ZNF160: variants seen among roughly 807,000 people sequenced by gnomAD.
ZNF160 encodes zinc finger protein 160, also known as KRAB zinc finger protein KR18.
Under a neutral mutation model 13.1 loss-of-function variants are expected in ZNF160, and 9 were observed. The ratio of observed to expected loss-of-function variants is 0.69; its 90% CI spans 0.41 to 1.20. The LOEUF (loss-of-function observed/expected upper bound fraction) is 1.20, where lower values mean the gene tolerates loss of function less well. Ranked by LOEUF, ZNF160 falls within the 50% of genes most tolerant of loss-of-function variation. The pLI, the probability that ZNF160 is intolerant of heterozygous loss-of-function variation, is 0.01. For synonymous variants in ZNF160, 293 were observed against 333.2 expected (o/e 0.88, Z 1.31); for missense variants, 838 against 988.0 (o/e 0.85, Z 2.04).
chr19:53,090,494 C>G (rs2084994467), intron 2 of ZNF160, among the ~76,000 whole-genome samples: 1 of 152,192 alleles, frequency 6.6e-6, no homozygotes, highest in African/African-American at 2.4e-5. Flanking sequence ...CTCCTGATCC[C>G]CTGTGGCCAC....
chr19:53,086,910 C>A (rs1180571228), intron 2 of ZNF160, among the ~76,000 whole-genome samples: 1 of 152,212 alleles, frequency 6.6e-6, no homozygotes, highest in Non-Finnish European at 1.5e-5. Context: ...CTCTGCTCTC[C>A]TGTTGGGGAC....
At chr19:53,099,135 T>C (rs1396012119) in intron 1 of ZNF160, among the ~76,000 whole-genome samples, 1 of 144,354 alleles carries the variant, frequency 6.9e-6, no homozygotes, top group Non-Finnish European at 1.5e-5. Flanking sequence ...CAGAAGAGTG[T>C]CCGATGTGGT....
At chr19:53,081,804 A>G (rs928645752) in intron 3 of ZNF160, among the ~76,000 whole-genome samples, 1 of 152,212 alleles carries the variant, frequency 6.6e-6, no homozygotes, top group Non-Finnish European at 1.5e-5. Flanking sequence ...TTCTATCAAA[A>G]AGACACCTAT....
intron 1 of ZNF160, among the ~76,000 whole-genome samples, chr19:53,100,270 C>T (rs1471855525): frequency 6.6e-6 from 1 of 152,142 alleles, no homozygotes; most frequent in Non-Finnish European, 1.5e-5. Context: ...TAGTAGTTCA[C>T]AGGTCACTAT....
Position 53,068,394 on chromosome 19 carries a change from A to G in ZNF160, c.2140T>C (p.Phe714Leu). The stretch of plus-strand genomic sequence containing the variant: ...GTGGTTAGGCTTGAACGAACACTGA[A>G]GGCTTTCCCACACTCATTGCATCGG... ...PYRCNECGKA[F>L]SVRSSLTTHQ... Residue 714 changes from phenylalanine to leucine, a missense_variant, in exon 6 of 6, where the codon TTC becomes CTC. Physicochemically the swap from Phe to Leu is conservative, Grantham distance 22 (BLOSUM62 0). This residue lies in a region of ZNF160 where 400 missense variants were observed against 538.9 expected (regional missense o/e 0.74). Transcript: ENST00000683776. The G allele has an allele frequency of 6.2e-7, 1 of 1,613,894 alleles. No homozygotes were observed. The highest frequency in any genetic ancestry group is 8.5e-7 in the Non-Finnish European group (1 of 1,179,962).
intron 1 of ZNF160, among the ~76,000 whole-genome samples, chr19:53,102,149 A>T (rs765214999): frequency 3.3e-5 from 5 of 151,514 alleles, no homozygotes; most frequent in Non-Finnish European, 5.9e-5. Flanking sequence ...GTTCTACTCC[A>T]TTCTTCCAAT....
rs1161685630 is a variant in ZNF160 at position 53,069,126 on chromosome 19, T to C, written c.1408A>G (p.Thr470Ala). ...GTTCCAGTATGGATGACCTGATGGG[T>C]AGCTAGGTTTGAATGCATACTGAAG... ...KAFSMHSNLATHQVIHTGTKP... is the reference protein window; with the variant it reads ...KAFSMHSNLAAHQVIHTGTKP... The change falls in exon 6 of 6, where the codon ACC becomes GCC. Residue 470 changes from threonine to alanine, a missense_variant. Coordinates refer to ENST00000683776, the MANE Select transcript of ZNF160 (RefSeq NM_001322131.2). The surrounding 1 kb of genome is among the most constrained non-coding windows in gnomAD (Gnocchi z 4.4). The C allele has an allele frequency of 1.9e-6, 3 of 1,614,180 alleles. No homozygotes were observed. The highest frequency in any genetic ancestry group is 1.7e-6 in the Non-Finnish European group (2 of 1,180,034).
At position 53,069,326 on chromosome 19, in the gene ZNF160, C is replaced by T; in HGVS notation, c.1208G>A (p.Gly403Asp). The T allele has an allele frequency of 6.2e-7, 1 of 1,613,892 alleles. No homozygotes were observed. Among genetic ancestry groups the T allele is most frequent in the Non-Finnish European group, 8.5e-7 (1 of 1,179,840 alleles). The part of the protein sequence containing the change: ...GEKPYKCNEC[G>D]KAFSVRSSLA... ...GCTTGAACGAACACTAAAGGCTTTG[C>T]CGCACTCATTGCACTTGTAAGGTTT... Residue 403 changes from glycine (G) to aspartate (D), a missense_variant, in exon 6 of 6, where the codon GGC (glycine) becomes GAC (aspartate). Gly to Asp is a moderately conservative substitution (Grantham distance 94, BLOSUM62 -1). Around this residue, in one of 3 missense-constraint regions of ZNF160, gnomAD observed 400 missense variants for 538.9 expected, o/e 0.74. Coordinates refer to ENST00000683776, the MANE Select transcript of ZNF160 (RefSeq NM_001322131.2). The surrounding 1 kb of genome is among the most constrained non-coding windows in gnomAD (Gnocchi z 4.4).
At chr19:53,077,668 CAAAAA>C (rs57869247) in intron 3 of ZNF160, among the ~76,000 whole-genome samples, 1 of 51,164 alleles carries the variant, frequency 2.0e-5, no homozygotes, top group Non-Finnish European at 4.2e-5. Flanking sequence ...GACTCCATCT[CAAAAA>C]AAAAAAAAAA....
At chr19:53,098,972 A>T (rs1325469902) in intron 1 of ZNF160, among the ~76,000 whole-genome samples, 1 of 149,708 alleles carries the variant, frequency 6.7e-6, no homozygotes, top group Non-Finnish European at 1.5e-5. Flanking sequence ...CCAGAATATG[A>T]GACCATCCTC....
chr19:53,078,372 C>A (rs901208173), intron 3 of ZNF160, among the ~76,000 whole-genome samples: 5 of 151,736 alleles, frequency 3.3e-5, no homozygotes, highest in Non-Finnish European at 7.4e-5. Flanking sequence ...ATCATGCCAC[C>A]ATATTCCAGC....
At position 53,086,590 on chromosome 19, in the gene ZNF160, G is replaced by T. The variant is rs578093214; in HGVS notation, c.-45-269C>A. Among the ~76,000 whole-genome samples, 3 of 152,218 alleles carry T rather than the reference G, an allele frequency of 2.0e-5. No homozygotes were observed. In the East Asian group the frequency reaches 5.8e-4, roughly 30 times the overall value. ...ACACACTGCAGCAGTGGGGAGCTGG[G>T]CTGGACTGAGCTCCCCTTTAGGACA... On this transcript the variant is annotated intron_variant, in intron 2 of 5. Transcript: ENST00000683776.
intron 3 of ZNF160, among the ~76,000 whole-genome samples, chr19:53,083,180 A>G (rs540743076): frequency 1.3e-5 from 2 of 152,296 alleles, no homozygotes; most frequent in East Asian, 3.9e-4. Context: ...TGAAGTAGGC[A>G]TGATTAAACC....
intron 3 of ZNF160, among the ~76,000 whole-genome samples, chr19:53,077,769 AT>A (rs769874131): frequency 7.9e-5 from 12 of 151,750 alleles, no homozygotes; most frequent in African/African-American, 1.2e-4. Flanking sequence ...AGATATATAT[AT>A]ATATACATTA....
chr19:53,081,822 T>A (rs938573941), intron 3 of ZNF160, among the ~76,000 whole-genome samples: 1 of 152,216 alleles, frequency 6.6e-6, no homozygotes, highest in African/African-American at 2.4e-5. Flanking sequence ...TATATTCATA[T>A]GTTTATTGCA....
intron 2 of ZNF160, among the ~76,000 whole-genome samples, chr19:53,088,128 A>G (rs1381051401): frequency 6.6e-6 from 1 of 152,216 alleles, no homozygotes; most frequent in Non-Finnish European, 1.5e-5. Context: ...AGAGGAAAGC[A>G]GAAAGTGATC....
At chr19:53,077,955 A>G (rs755689388) in intron 3 of ZNF160, among the ~76,000 whole-genome samples, 27 of 152,100 alleles carry the variant, frequency 1.8e-4, no homozygotes, top group Non-Finnish European at 3.5e-4. Flanking sequence ...TAAAAAACAC[A>G]CTAGAGCCAG....
chr19:53,100,503 G>A (rs1421764562), intron 1 of ZNF160, among the ~76,000 whole-genome samples: 2 of 152,168 alleles, frequency 1.3e-5, no homozygotes, highest in Non-Finnish European at 2.9e-5. Flanking sequence ...CCAACTACTT[G>A]GGAGGCTGAG....
chr19:53,075,459 A>G, intron 3 of ZNF160: 1 of 385,904 alleles, frequency 2.6e-6, no homozygotes, highest in Non-Finnish European at 4.9e-6. Flanking sequence ...GAGGGCGGTC[A>G]CCGGAACTAA....
Sources: allele counts gnomAD v4.1 joint callset (sites outside exome capture counted in the v4.1 genomes callset), GRCh38; gene constraint gnomAD v4.1.1; regional missense constraint gnomAD v4.1.1; non-coding constraint Gnocchi (gnomAD v3.1); transcripts MANE v1.5; gene names NCBI Gene and HGNC (gene_info 2026-07-23, HGNC 2026-07-21).